NCAM2: variants seen among roughly 807,000 people sequenced by gnomAD.
NCAM2 encodes N-CAM-2.
NCAM2 carries 30 observed loss-of-function variants against 98.1 expected under a neutral mutation model. The ratio of observed to expected loss-of-function variants is 0.31; its 90% confidence interval spans 0.23 to 0.41. The LOEUF (loss-of-function observed/expected upper bound fraction) is 0.41. Ranked by LOEUF, NCAM2 falls within the 10% of genes least tolerant of loss-of-function variation. NCAM2 has a pLI of 1.00. For synonymous variants in NCAM2, 368 were observed against 342.4 expected (o/e 1.07, Z -0.83); for missense variants, 867 against 1,005.8 (o/e 0.86, Z 1.87).
chr21:21,142,850 CTCAT>C (rs1424140217), intron 1 of NCAM2, among the ~76,000 whole-genome samples: 2 of 151,812 alleles, frequency 1.3e-5, no homozygotes, highest in Non-Finnish European at 1.5e-5. Context: ...TAAAGTATTC[CTCAT>C]TCATTCATTT....
intron 8 of NCAM2, among the ~76,000 whole-genome samples, chr21:21,342,640 A>T (rs1602045648): frequency 6.6e-6 from 1 of 152,262 alleles, no homozygotes; most frequent in Non-Finnish European, 1.5e-5. Flanking sequence ...GAAGTCACAC[A>T]TTTCTCACTT....
intron 12 of NCAM2, among the ~76,000 whole-genome samples, chr21:21,453,214 A>G (rs1981598677): frequency 6.7e-6 from 1 of 149,718 alleles, no homozygotes; most frequent in South Asian, 2.1e-4. Flanking sequence ...AAAATGAAGC[A>G]GAGCAAGATG....
intron 5 of NCAM2, among the ~76,000 whole-genome samples, chr21:21,316,810 C>A (rs1012599684): frequency 6.6e-6 from 1 of 152,110 alleles, no homozygotes; most frequent in Admixed American, 6.6e-5. Context: ...TCCCAAAGTG[C>A]TGGGATTACA....
intron 8 of NCAM2, among the ~76,000 whole-genome samples, chr21:21,364,666 A>G (rs1287665129): frequency 1.3e-5 from 2 of 152,038 alleles, no homozygotes; most frequent in Non-Finnish European, 2.9e-5. Flanking sequence ...ATACATATAC[A>G]CATACATCTA....
intron 15 of NCAM2, among the ~76,000 whole-genome samples, chr21:21,502,310 A>G (rs570523628): frequency 6.6e-6 from 1 of 152,086 alleles, no homozygotes; most frequent in African/African-American, 2.4e-5. Flanking sequence ...ATTTAATTGT[A>G]GGATTAACTC....
chr21:21,467,426 T>TTATATATATATATC (rs1305802628), intron 13 of NCAM2, among the ~76,000 whole-genome samples: 5,451 of 136,274 alleles, frequency 0.04, 349 homozygotes, highest in African/African-American at 0.15. Context: ...ATATATATCT[T>TTATATATATATATC]TTTATATATA....
At chr21:21,093,558 A>G (rs552780632) in intron 1 of NCAM2, among the ~76,000 whole-genome samples, 3 of 152,154 alleles carry the variant, frequency 2.0e-5, no homozygotes, top group African/African-American at 7.2e-5. Flanking sequence ...CTATTTTTCC[A>G]TCTTTAAAAC....
At chr21:21,046,583 T>C (rs1464376275) in intron 1 of NCAM2, among the ~76,000 whole-genome samples, 4 of 152,218 alleles carry the variant, frequency 2.6e-5, no homozygotes, top group African/African-American at 7.2e-5. Flanking sequence ...CAAACTGTTA[T>C]TTTACAGTTT....
chr21:21,471,809 G>A (rs962585103), intron 14 of NCAM2, among the ~76,000 whole-genome samples: 1 of 151,950 alleles, frequency 6.6e-6, no homozygotes, highest in African/African-American at 2.4e-5. Flanking sequence ...CCATTATTCT[G>A]TCAGCCTGTA....
chr21:21,503,463 G>A (rs1987766823), intron 15 of NCAM2, among the ~76,000 whole-genome samples: 1 of 151,876 alleles, frequency 6.6e-6, no homozygotes, highest in Non-Finnish European at 1.5e-5. Context: ...GATGATTTGT[G>A]TCCCTGTCAC....
At chr21:21,164,153 C>G (rs2067878392) in intron 1 of NCAM2, among the ~76,000 whole-genome samples, 1 of 152,254 alleles carries the variant, frequency 6.6e-6, no homozygotes, top group South Asian at 2.1e-4. Flanking sequence ...CCCTGATCAT[C>G]CTTGGCTGGG....
At chr21:21,353,289 C>A (rs1223579712) in intron 8 of NCAM2, among the ~76,000 whole-genome samples, 1 of 152,186 alleles carries the variant, frequency 6.6e-6, no homozygotes, top group Non-Finnish European at 1.5e-5. Flanking sequence ...ACTGAGTCTT[C>A]TACCCTTAGT....
chr21:21,441,695 A>G (rs1979296508), intron 12 of NCAM2, among the ~76,000 whole-genome samples: 2 of 152,110 alleles, frequency 1.3e-5, no homozygotes, highest in Admixed American at 6.6e-5. Flanking sequence ...TTATTGGCAA[A>G]GTGATTTTTC....
intron 8 of NCAM2, among the ~76,000 whole-genome samples, chr21:21,355,328 G>T (rs62207729): frequency 0.014 from 2,073 of 151,328 alleles, 38 homozygotes; most frequent in Admixed American, 0.034. Context: ...CCAGCTACTC[G>T]GGACGGGGCC....
Position 21,238,665 on chromosome 21 carries a change from A to G in NCAM2, c.56-41913A>G, listed in dbSNP as rs77061050. ...TATTAGTATTTGTTAACTCAGGCCT[A>G]CATCAGAGCACTTTTCAAAAGAGTT... On this transcript the variant is annotated intron_variant, in intron 1 of 17. Coordinates refer to ENST00000400546, the MANE Select transcript of NCAM2 (RefSeq NM_004540.5). 2.1e-3 allele frequency among the ~76,000 whole-genome samples: 321 copies of G among 152,254 alleles called. 1 individual carries two copies. The highest frequency in any genetic ancestry group is 3.1e-3 in the Non-Finnish European group (214 of 68,022).
intron 1 of NCAM2, among the ~76,000 whole-genome samples, chr21:21,106,024 A>G (rs1361621903): frequency 2.0e-5 from 3 of 152,054 alleles, no homozygotes; most frequent in African/African-American, 7.2e-5. Flanking sequence ...TGTCCATGTT[A>G]TATTTCATGG....
At chr21:21,087,719 A>G (rs2146433503) in intron 1 of NCAM2, among the ~76,000 whole-genome samples, 1 of 152,284 alleles carries the variant, frequency 6.6e-6, no homozygotes, top group South Asian at 2.1e-4. Flanking sequence ...ATGGTGGCTT[A>G]TTGCATAAGG....
chr21:21,305,613 T>A (rs1406801635), intron 5 of NCAM2, among the ~76,000 whole-genome samples: 1 of 152,020 alleles, frequency 6.6e-6, no homozygotes, highest in Non-Finnish European at 1.5e-5. Context: ...TTTTTATCAA[T>A]AATGAATTTT....
chr21:21,471,029 T>G (rs1218515300), intron 14 of NCAM2, among the ~76,000 whole-genome samples: 1 of 151,884 alleles, frequency 6.6e-6, no homozygotes, highest in African/African-American at 2.4e-5. Flanking sequence ...AGTTAGAGAA[T>G]TTGAGTGACT....
Sources: gnomAD v4.1 joint callset for allele counts (sites outside exome capture counted in the v4.1 genomes callset) on GRCh38, gnomAD v4.1.1 for gene constraint, MANE v1.5 for transcripts, NCBI Gene and HGNC (gene_info 2026-07-23, HGNC 2026-07-21) for gene names.